SGCZ: variants seen among roughly 807,000 people sequenced by gnomAD.
The protein encoded by SGCZ is zeta-sarcoglycan.
Under a neutral mutation model 41.3 loss-of-function variants are expected in SGCZ, and 40 were observed. The ratio of observed to expected loss-of-function variants is 0.97; its 90% CI spans 0.75 to 1.26. The LOEUF is 1.26. Among genes scored for constraint, SGCZ ranks in the 50% most tolerant of loss-of-function variants. The pLI, the probability that SGCZ is intolerant of heterozygous loss-of-function variation, is 0.00. For synonymous variants in SGCZ, 206 were observed against 137.5 expected (o/e 1.50, Z -3.49); for missense variants, 552 against 369.8 (o/e 1.49, Z -4.04).
At chr8:14,124,857 G>T (rs1033335321) in intron 5 of SGCZ, among the ~76,000 whole-genome samples, 3 of 151,948 alleles carry the variant, frequency 2.0e-5, no homozygotes, top group African/African-American at 7.2e-5. Context: ...GAACCTAAAG[G>T]TATTATATAT....
intron 2 of SGCZ, among the ~76,000 whole-genome samples, chr8:14,389,978 T>A (rs1251136037): frequency 6.6e-6 from 1 of 151,954 alleles, no homozygotes; most frequent in Non-Finnish European, 1.5e-5. Flanking sequence ...GACGGGGGAT[T>A]TTTGTAAGTA....
At chr8:14,306,657 T>G (rs145397336) in intron 3 of SGCZ, among the ~76,000 whole-genome samples, 1 of 152,110 alleles carries the variant, frequency 6.6e-6, no homozygotes, top group African/African-American at 2.4e-5. Flanking sequence ...AAGGCAACAA[T>G]GACACTGTGT....
At chr8:15,058,657 TTCTTGAG>T (rs1188667255) in intron 1 of SGCZ, among the ~76,000 whole-genome samples, 1 of 152,198 alleles carries the variant, frequency 6.6e-6, no homozygotes, top group Non-Finnish European at 1.5e-5. Flanking sequence ...TCCCAGATGT[TTCTTGAG>T]TATGTCAACC....
chr8:14,187,529 T>C (rs114321699), intron 4 of SGCZ, among the ~76,000 whole-genome samples: 2,024 of 152,182 alleles, frequency 0.013, 40 homozygotes, highest in African/African-American at 0.045. Context: ...ATAGGAATTA[T>C]AAATGAATCA....
intron 3 of SGCZ, among the ~76,000 whole-genome samples, chr8:14,285,864 G>T (rs1427199281): frequency 6.6e-6 from 1 of 152,050 alleles, no homozygotes; most frequent in Non-Finnish European, 1.5e-5. Flanking sequence ...ACTTACATAT[G>T]AAATTCCTAC....
intron 2 of SGCZ, among the ~76,000 whole-genome samples, chr8:14,384,314 G>T (rs1804487714): frequency 6.6e-6 from 1 of 152,038 alleles, no homozygotes; most frequent in Admixed American, 6.6e-5. Context: ...TTTTATGGCT[G>T]CACAGTTGTT....
intron 2 of SGCZ, among the ~76,000 whole-genome samples, chr8:14,457,577 C>G (rs1430985969): frequency 3.3e-5 from 5 of 152,210 alleles, no homozygotes; most frequent in Non-Finnish European, 7.3e-5. Flanking sequence ...TGGTCACGCT[C>G]CTAGTCCGCC....
chr8:14,132,672 C>A (rs1386439564), intron 5 of SGCZ, among the ~76,000 whole-genome samples: 1 of 152,114 alleles, frequency 6.6e-6, no homozygotes, highest in East Asian at 1.9e-4. Flanking sequence ...GTCTGAATTT[C>A]TTCAGGGTTG....
chr8:14,558,390 C>A (rs1428729238), intron 1 of SGCZ, among the ~76,000 whole-genome samples: 2 of 152,026 alleles, frequency 1.3e-5, no homozygotes, highest in African/African-American at 4.8e-5. Context: ...GCCTGGCCAA[C>A]ATGGGAAAAT....
chr8:14,804,455 G>C (rs911148820), intron 1 of SGCZ, among the ~76,000 whole-genome samples: 39 of 134,674 alleles, frequency 2.9e-4, no homozygotes, highest in African/African-American at 1.0e-3. Context: ...GAGCCGATGC[G>C]ATCAACTGGA....
In SGCZ at chr8:14,298,315, C is replaced by T. The variant is rs996696917; in HGVS notation, c.336+25788G>A. Among the ~76,000 whole-genome samples the T allele has an allele frequency of 5.3e-5, 8 of 151,966 alleles. No homozygotes were observed. The East Asian group carries it at 1.2e-3, about 22-fold the overall frequency. On this transcript the variant is annotated intron_variant, in intron 3 of 7. Transcript: ENST00000382080. Reference sequence around the variant, plus strand: ...TGGAAATAAGATAAAGATATCTTCTCTTGTCATTCCTATTCAATATTGTAG... The same window carrying T: ...TGGAAATAAGATAAAGATATCTTCTTTTGTCATTCCTATTCAATATTGTAG...
intron 1 of SGCZ, among the ~76,000 whole-genome samples, chr8:14,922,599 T>C (rs1799623259): frequency 6.6e-6 from 1 of 152,090 alleles, no homozygotes; most frequent in African/African-American, 2.4e-5. Context: ...AATCCTAAAC[T>C]ATATTCCTAG....
chr8:14,459,351 G>A (rs185293240), intron 2 of SGCZ, among the ~76,000 whole-genome samples: 2 of 151,838 alleles, frequency 1.3e-5, no homozygotes, highest in African/African-American at 4.8e-5. Context: ...ACACCAACAT[G>A]GCACATGTAT....
At chr8:14,771,392 T>C (rs573793446) in intron 1 of SGCZ, among the ~76,000 whole-genome samples, 1 of 152,276 alleles carries the variant, frequency 6.6e-6, no homozygotes, top group Non-Finnish European at 1.5e-5. Context: ...TTAGGGAGTG[T>C]ATTGAGCTTC....
At chr8:14,675,559 A>G (rs1292195858) in intron 1 of SGCZ, among the ~76,000 whole-genome samples, 1 of 152,134 alleles carries the variant, frequency 6.6e-6, no homozygotes, top group Non-Finnish European at 1.5e-5. Context: ...CTCAATTTAT[A>G]TGAGAAAATA....
At chr8:14,533,315 T>G (rs1803194389) in intron 2 of SGCZ, among the ~76,000 whole-genome samples, 1 of 150,984 alleles carries the variant, frequency 6.6e-6, no homozygotes, top group Non-Finnish European at 1.5e-5. Context: ...ATTTTTTACA[T>G]TTTTGTATTA....
At chr8:15,109,099 A>G (rs936283709) in intron 1 of SGCZ, among the ~76,000 whole-genome samples, 1 of 152,178 alleles carries the variant, frequency 6.6e-6, no homozygotes, top group Non-Finnish European at 1.5e-5. Context: ...TGCAAAAAAT[A>G]AAACACACAC....
At chr8:14,589,198 G>T (rs528176842) in intron 1 of SGCZ, among the ~76,000 whole-genome samples, 1 of 151,822 alleles carries the variant, frequency 6.6e-6, no homozygotes, top group South Asian at 2.1e-4. Context: ...TAAAAAAAAC[G>T]AGCTGGGTGT....
intron 1 of SGCZ, among the ~76,000 whole-genome samples, chr8:14,879,999 C>A (rs565499089): frequency 2.6e-5 from 4 of 152,064 alleles, no homozygotes; most frequent in African/African-American, 7.2e-5. Flanking sequence ...CACCACCACA[C>A]CCGGCTAAGT....
Sources: gnomAD v4.1 joint callset for allele counts (sites outside exome capture counted in the v4.1 genomes callset) on GRCh38, gnomAD v4.1.1 for gene constraint, MANE v1.5 for transcripts, NCBI Gene and HGNC (gene_info 2026-07-23, HGNC 2026-07-21) for gene names.